Variants in MYO5C observed in about 807,000 individuals in gnomAD.
The protein encoded by MYO5C is unconventional myosin-Vc.
Under a neutral mutation model 235.7 loss-of-function variants are expected in MYO5C, and 194 were observed. That is an observed-to-expected ratio of 0.82 (90% CI 0.73 to 0.93). The LOEUF (loss-of-function observed/expected upper bound fraction) is 0.93. Among genes scored for constraint, MYO5C ranks in the 40% least tolerant of loss-of-function variants. The pLI, the probability that MYO5C is intolerant of heterozygous loss-of-function variation, is 0.00. For missense variants in MYO5C, 2,038 were observed against 2,127.2 expected (o/e 0.96, Z 0.82); for synonymous variants, 707 against 754.8 (o/e 0.94, Z 1.04).
intron 8 of MYO5C, among the ~76,000 whole-genome samples, chr15:52,264,980 C>T (rs2036772302): frequency 1.3e-5 from 2 of 152,342 alleles, no homozygotes; most frequent in African/African-American, 4.8e-5. Context: ...TGGATGCCCA[C>T]ATGGGAAAGA....
chr15:52,264,323 G>A, intron 8 of MYO5C, 27 bp from the exon 9 acceptor site: 3 of 1,540,554 alleles, frequency 1.9e-6, no homozygotes, highest in Non-Finnish European at 2.7e-6. Flanking sequence ...TCCCAGATTA[G>A]AATACTGCAT....
rs191269306 is a variant in MYO5C at position 52,203,348 on chromosome 15, T to A, written c.4820+1517A>T. Among the ~76,000 whole-genome samples, 138 of 152,312 alleles carry A rather than the reference T, an allele frequency of 9.1e-4. 3 individuals carry two copies. Among genetic ancestry groups the A allele is most frequent in the Non-Finnish European group, 4.0e-4 (27 of 68,020 alleles). ...TTACACTCCAAGTTATTTTATCTTTTTTATTATTTATTTTTTTGAGGCAGA... is the reference window on the plus strand; with the variant it reads ...TTACACTCCAAGTTATTTTATCTTTATTATTATTTATTTTTTTGAGGCAGA... On this transcript the variant is annotated intron_variant, in intron 38 of 40. Coordinates refer to ENST00000261839, the MANE Select transcript of MYO5C (RefSeq NM_018728.4).
intron 35 of MYO5C, among the ~76,000 whole-genome samples, chr15:52,210,657 C>T (rs1367235310): frequency 6.6e-6 from 1 of 152,144 alleles, no homozygotes; most frequent in Non-Finnish European, 1.5e-5. Flanking sequence ...CCAGAATGCG[C>T]CAAGCATTAC....
At chr15:52,238,497 G>C (rs1441189258) in intron 21 of MYO5C, among the ~76,000 whole-genome samples, 1 of 152,214 alleles carries the variant, frequency 6.6e-6, no homozygotes, top group Non-Finnish European at 1.5e-5. Context: ...TATAGCTTAA[G>C]GCTAAGTTTA....
At chr15:52,264,092 G>A (rs972945810) in intron 9 of MYO5C, 98 bp downstream of exon 9, 12 of 872,096 alleles carry the variant, frequency 1.4e-5, no homozygotes, top group South Asian at 5.2e-5. Context: ...CCAGGAGGCC[G>A]ACTATATCTG....
chr15:52,252,774 CAA>C (rs71425736), intron 12 of MYO5C, among the ~76,000 whole-genome samples: 1 of 140,896 alleles, frequency 7.1e-6, no homozygotes. Context: ...GACTCCGTCT[CAA>C]AAAAAAAAAA....
intron 32 of MYO5C, among the ~76,000 whole-genome samples, chr15:52,218,271 T>A (rs753032391): frequency 6.6e-5 from 10 of 152,128 alleles, no homozygotes; most frequent in Non-Finnish European, 1.2e-4. Context: ...CTGATAGTGC[T>A]GGGGAACTAC....
chr15:52,263,138 T>C (rs1470814670), intron 9 of MYO5C, among the ~76,000 whole-genome samples: 1 of 152,190 alleles, frequency 6.6e-6, no homozygotes, highest in Admixed American at 6.5e-5. Context: ...CAAATGTCTA[T>C]TGTTTAAGCC....
chr15:52,213,177 G>A lies in MYO5C; in HGVS notation c.4141+11C>T. 6.2e-7 allele frequency: 1 copy of A among 1,609,994 alleles called. No individual in the cohort carries two copies. Among genetic ancestry groups the A allele is most frequent in the East Asian group, 2.2e-5 (1 of 44,860 alleles). Reference sequence around the variant, plus strand: ...GAGAAAGCAAAAATCCAGAGTTCCAGGTTTCACTACCAAGAATGAGGTTCT... The same window carrying A: ...GAGAAAGCAAAAATCCAGAGTTCCAAGTTTCACTACCAAGAATGAGGTTCT... On this transcript the variant is annotated intron_variant, in intron 34 of 40. Coordinates refer to ENST00000261839, the MANE Select transcript of MYO5C (RefSeq NM_018728.4).
chr15:52,277,714 C>A (rs1173291599), intron 4 of MYO5C: 4 of 396,856 alleles, frequency 1.0e-5, no homozygotes, highest in Non-Finnish European at 2.0e-5. Context: ...TGGCTTGTCC[C>A]TGAGGATGAC....
In MYO5C at chr15:52,193,958, G is replaced by C. The variant is rs1219299102; in HGVS notation, c.5173C>G (p.Leu1725Val). 1.2e-6 allele frequency: 2 copies of C among 1,613,722 alleles called. No homozygotes were observed. Among genetic ancestry groups the C allele is most frequent in the Admixed American group, 3.3e-5 (2 of 59,938 alleles). Reference protein sequence around the residue: ...TFPFTPSPHALEMIQIPSSFK... With the variant: ...TFPFTPSPHAVEMIQIPSSFK... ...CTGCTGGGGATCTGAATCATTTCCA[G>C]AGCATGTGGAGAGGGGGTAAAAGGA... Residue 1725 changes from leucine to valine, a missense_variant, in exon 41 of 41, where the codon CTG (leucine) becomes GTG (valine). Leu to Val is a conservative substitution (Grantham distance 32). Transcript: ENST00000261839.
chr15:52,292,891 A>G (rs1484380939), intron 1 of MYO5C, among the ~76,000 whole-genome samples: 1 of 152,230 alleles, frequency 6.6e-6, no homozygotes, highest in Non-Finnish European at 1.5e-5. Flanking sequence ...ACGCAGTGGC[A>G]ACGTGCAAGC....
intron 5 of MYO5C, 95 bp from the exon 6 acceptor site, chr15:52,272,818 C>A: frequency 7.9e-7 from 1 of 1,270,256 alleles, no homozygotes; most frequent in East Asian, 2.4e-5. Flanking sequence ...ATCCTGTACC[C>A]TAGGGGAAGG....
At chr15:52,286,638 TG>T (rs1250933941) in intron 1 of MYO5C, among the ~76,000 whole-genome samples, 6 of 152,158 alleles carry the variant, frequency 3.9e-5, no homozygotes, top group Non-Finnish European at 8.8e-5. Flanking sequence ...TCTGTGACCT[TG>T]CCCCCAACCC....
chr15:52,242,501 AC>A (rs1424190013), intron 19 of MYO5C: 12 of 331,724 alleles, frequency 3.6e-5, no homozygotes, highest in Non-Finnish European at 6.8e-5. Context: ...CTGGTGCTGC[AC>A]TTGCTCAATC....
chr15:52,237,260 A>G, intron 22 of MYO5C: 1 of 443,500 alleles, frequency 2.3e-6, no homozygotes. Flanking sequence ...GAAAGAGAAA[A>G]CCTATGTTGC....
intron 24 of MYO5C, among the ~76,000 whole-genome samples, chr15:52,230,282 T>C (rs2141299126): frequency 6.6e-6 from 1 of 152,376 alleles, no homozygotes; most frequent in East Asian, 1.9e-4. Flanking sequence ...ATGAGTTTAC[T>C]AAATGATTCT....
intron 25 of MYO5C, among the ~76,000 whole-genome samples, chr15:52,228,066 C>A (rs755228792): frequency 2.0e-5 from 3 of 152,136 alleles, no homozygotes; most frequent in Non-Finnish European, 2.9e-5. Context: ...TTACTTCATC[C>A]ATTCATTCAT....
At chr15:52,198,099 G>A (rs528286488) in intron 38 of MYO5C, among the ~76,000 whole-genome samples, 163 of 152,142 alleles carry the variant, frequency 1.1e-3, no homozygotes, top group African/African-American at 3.8e-3. Flanking sequence ...TTGGGAGACC[G>A]AGGCAGGCTG....
Sources: allele counts gnomAD v4.1 joint callset (sites outside exome capture counted in the v4.1 genomes callset), GRCh38; gene constraint gnomAD v4.1.1; transcripts MANE v1.5; gene names NCBI Gene and HGNC (gene_info 2026-07-23, HGNC 2026-07-21).